MAPKAP1: variants seen among roughly 807,000 people sequenced by gnomAD.
MAPKAP1 encodes the protein target of rapamycin complex 2 subunit MAPKAP1.
MAPKAP1 carries 20 observed loss-of-function variants against 65.7 expected under a neutral mutation model. That is an observed-to-expected ratio of 0.30 (90% CI 0.21 to 0.44). MAPKAP1 has a LOEUF of 0.44. MAPKAP1 is among the 20% of genes least tolerant of loss of function. The pLI, the probability that MAPKAP1 is intolerant of heterozygous loss-of-function variation, is 1.00. For missense variants in MAPKAP1, 423 were observed against 648.0 expected, an observed-to-expected ratio of 0.65 and a Z score of 3.77; for synonymous variants, 222 against 244.3, an observed-to-expected ratio of 0.91 and a Z score of 0.85.
chr9:125,453,129 C>G (rs554909318), intron 10 of MAPKAP1, among the ~76,000 whole-genome samples: 11 of 152,316 alleles, frequency 7.2e-5, no homozygotes, highest in Non-Finnish European at 1.0e-4. Flanking sequence ...ATGATCTTGA[C>G]TCACTGCAAC....
Position 125,657,710 on chromosome 9 carries a change from C to G in MAPKAP1, c.439G>C (p.Glu147Gln). 1 of 1,614,040 alleles carries G rather than the reference C, an allele frequency of 6.2e-7. No individual in the cohort carries two copies. Among genetic ancestry groups the G allele is most frequent in the South Asian group, 1.1e-5 (1 of 91,066 alleles). Reference sequence around the variant, plus strand: ...TTATTCAGCTGCAGAGGGCACTGTTCTAGGCGTACAGATAATATCGACTGC... The same window carrying G: ...TTATTCAGCTGCAGAGGGCACTGTTGTAGGCGTACAGATAATATCGACTGC... ...GKQSILSVRL[E>Q]QCPLQLNNPF... is the part of the protein sequence containing the mutation. The change falls in exon 4 of 12, where the codon GAA becomes CAA. Residue 147 changes from glutamate (E) to glutamine (Q), a missense_variant. Around this residue, in one of 6 missense-constraint regions of MAPKAP1, gnomAD observed 67 missense variants for 69.6 expected, o/e 0.96. Coordinates refer to ENST00000265960, the MANE Select transcript of MAPKAP1 (RefSeq NM_001006617.3).
chr9:125,571,335 GTT>G (rs1288058762), intron 5 of MAPKAP1, among the ~76,000 whole-genome samples: 2 of 152,230 alleles, frequency 1.3e-5, no homozygotes, highest in African/African-American at 4.8e-5. Flanking sequence ...TTGTTGTCTT[GTT>G]TTAATCCTCT....
chr9:125,453,755 AT>A (rs1239060212), intron 10 of MAPKAP1, among the ~76,000 whole-genome samples: 2 of 152,224 alleles, frequency 1.3e-5, no homozygotes, highest in Admixed American at 1.3e-4. Flanking sequence ...AGTTATGCAG[AT>A]TTTCCAAATG....
chr9:125,541,838 TG>T, intron 7 of MAPKAP1, among the ~76,000 whole-genome samples: 1 of 152,248 alleles, frequency 6.6e-6, no homozygotes, highest in African/African-American at 2.4e-5. Context: ...TCCCAACTTG[TG>T]GGAAGATCAT....
intron 1 of MAPKAP1, among the ~76,000 whole-genome samples, chr9:125,691,613 C>A (rs947039151): frequency 2.0e-5 from 3 of 151,732 alleles, no homozygotes; most frequent in Non-Finnish European, 4.4e-5. Flanking sequence ...AGAACAGTAA[C>A]CTAGGGATAA....
At chr9:125,533,212 C>T (rs1829981199) in intron 7 of MAPKAP1, among the ~76,000 whole-genome samples, 1 of 152,062 alleles carries the variant, frequency 6.6e-6, no homozygotes, top group Non-Finnish European at 1.5e-5. Context: ...AATTCTTTTT[C>T]CCATTAAAAT....
intron 1 of MAPKAP1, among the ~76,000 whole-genome samples, chr9:125,692,609 T>C (rs934083114): frequency 3.3e-5 from 5 of 152,188 alleles, no homozygotes; most frequent in African/African-American, 7.2e-5. Context: ...CTAAGAGTCA[T>C]TAAATTGTAC....
At chr9:125,639,112 A>G (rs1203552141) in intron 4 of MAPKAP1, among the ~76,000 whole-genome samples, 1 of 152,186 alleles carries the variant, frequency 6.6e-6, no homozygotes, top group Non-Finnish European at 1.5e-5. Context: ...GTGGTGGTGC[A>G]TGCCTGTAGT....
chr9:125,650,226 C>G (rs1833854415), intron 4 of MAPKAP1: 1 of 152,204 alleles, frequency 6.6e-6, no homozygotes, highest in Admixed American at 6.5e-5. Flanking sequence ...CTCACAAACC[C>G]TTCTCAGGGA....
intron 7 of MAPKAP1, among the ~76,000 whole-genome samples, chr9:125,533,741 G>A (rs776313491): frequency 1.8e-4 from 27 of 152,128 alleles, no homozygotes; most frequent in African/African-American, 3.4e-4. Context: ...GAGCCACTAC[G>A]CTCGGCCAGG....
At chr9:125,611,708 T>TAGTG (rs1320023949) in intron 4 of MAPKAP1, among the ~76,000 whole-genome samples, 2 of 152,108 alleles carry the variant, frequency 1.3e-5, no homozygotes, top group Non-Finnish European at 2.9e-5. Flanking sequence ...GGAGGAAAAC[T>TAGTG]TCACTAGAGT....
chr9:125,503,679 T>C (rs1028237249), intron 8 of MAPKAP1, among the ~76,000 whole-genome samples: 8 of 152,168 alleles, frequency 5.3e-5, no homozygotes, highest in East Asian at 3.9e-4. Context: ...CTTTCTTGCA[T>C]TTTAGATCCT....
intron 11 of MAPKAP1, among the ~76,000 whole-genome samples, chr9:125,441,131 G>A (rs140413437): frequency 1.3e-5 from 2 of 152,300 alleles, no homozygotes; most frequent in African/African-American, 2.4e-5. Context: ...CATTTTCAAC[G>A]CATTTTACAG....
intron 4 of MAPKAP1, among the ~76,000 whole-genome samples, chr9:125,632,851 A>T (rs142615966): frequency 1.1e-4 from 16 of 152,334 alleles, no homozygotes; most frequent in Non-Finnish European, 1.9e-4. Context: ...CCTGACCACA[A>T]TGTGACTGGA....
chr9:125,553,043 ATG>A (rs1404296300), intron 6 of MAPKAP1, among the ~76,000 whole-genome samples: 1 of 152,160 alleles, frequency 6.6e-6, no homozygotes, highest in African/African-American at 2.4e-5. Context: ...GCAAAATTAT[ATG>A]TGTCACCACA....
chr9:125,503,538 A>G (rs1451386638), intron 8 of MAPKAP1, among the ~76,000 whole-genome samples: 2 of 152,206 alleles, frequency 1.3e-5, no homozygotes, highest in Non-Finnish European at 2.9e-5. Flanking sequence ...GAGTTGGTTC[A>G]AATTACTTAG....
chr9:125,607,480 C>A (rs1428489192), intron 4 of MAPKAP1, among the ~76,000 whole-genome samples: 1 of 152,122 alleles, frequency 6.6e-6, no homozygotes, highest in East Asian at 1.9e-4. Context: ...ACAATTATTT[C>A]TATTTTAGAG....
intron 1 of MAPKAP1, among the ~76,000 whole-genome samples, chr9:125,685,255 G>A (rs1194969185): frequency 1.3e-5 from 2 of 152,254 alleles, no homozygotes; most frequent in Non-Finnish European, 2.9e-5. Context: ...ATAATGCTCG[G>A]TGGAGCCGTG....
intron 5 of MAPKAP1, among the ~76,000 whole-genome samples, chr9:125,572,675 T>A (rs979671963): frequency 1.3e-5 from 2 of 152,230 alleles, no homozygotes; most frequent in Non-Finnish European, 2.9e-5. Context: ...TGGATCAGTA[T>A]TCTAATTCTG....
Sources: gnomAD v4.1 joint callset for allele counts (sites outside exome capture counted in the v4.1 genomes callset) on GRCh38, gnomAD v4.1.1 for gene constraint, gnomAD v4.1.1 regional missense constraint, MANE v1.5 for transcripts, NCBI Gene and HGNC (gene_info 2026-07-23, HGNC 2026-07-21) for gene names.